The following PDE7B variants were observed in gnomAD, a reference collection of about 807,000 sequenced individuals.
PDE7B encodes the protein phosphodiesterase 7B.
A neutral mutation model predicts 56.2 loss-of-function variants in PDE7B; 29 were observed. The ratio of observed to expected loss-of-function variants is 0.52; its 90% CI spans 0.38 to 0.70. The LOEUF (loss-of-function observed/expected upper bound fraction) is 0.70. Ranked by LOEUF, PDE7B falls within the 30% of genes least tolerant of loss-of-function variation. The pLI, the probability that PDE7B is intolerant of heterozygous loss-of-function variation, is 0.00. For synonymous variants in PDE7B, 197 were observed against 196.9 expected (o/e 1.00, Z 0.00); for missense variants, 490 against 565.0 (o/e 0.87, Z 1.35).
intron 1 of PDE7B, among the ~76,000 whole-genome samples, chr6:135,891,355 T>A (rs938960878): frequency 6.6e-6 from 1 of 152,188 alleles, no homozygotes; most frequent in African/African-American, 2.4e-5. Flanking sequence ...AAATCATAGA[T>A]CATTAGGGCT....
At chr6:135,927,218 G>A (rs1043211165) in intron 1 of PDE7B, among the ~76,000 whole-genome samples, 11 of 151,934 alleles carry the variant, frequency 7.2e-5, no homozygotes, top group African/African-American at 2.4e-4. Context: ...TTATGTCTGG[G>A]TTCTCTATTC....
At position 136,161,537 on chromosome 6, in the gene PDE7B, C is replaced by A. The variant is rs527702643; in HGVS notation, c.711+5779C>A. Among the ~76,000 whole-genome samples the A allele has an allele frequency of 2.0e-4, 30 of 152,300 alleles. No individual in the cohort carries two copies. In the South Asian group the frequency reaches 6.0e-3, roughly 31 times the overall value. On this transcript the variant is annotated intron_variant, in intron 8 of 12. Transcript: ENST00000308191. ...CATTGCATCTTGGAATTGACAAATGCAAGCTGATACATGTTATTTCTTGAG... is the reference window on the plus strand; with the variant it reads ...CATTGCATCTTGGAATTGACAAATGAAAGCTGATACATGTTATTTCTTGAG...
chr6:135,971,263 G>A (rs2128202887), intron 2 of PDE7B, among the ~76,000 whole-genome samples: 1 of 152,214 alleles, frequency 6.6e-6, no homozygotes, highest in East Asian at 1.9e-4. Context: ...AAAGAGAAAG[G>A]CCTGAAACAG....
intron 2 of PDE7B, among the ~76,000 whole-genome samples, chr6:136,060,069 A>G (rs959539281): frequency 7.2e-5 from 11 of 152,356 alleles, no homozygotes; most frequent in African/African-American, 2.2e-4. Flanking sequence ...GTTAATCTTG[A>G]AAAATTGGAA....
At chr6:135,887,579 T>C (rs1344653312) in intron 1 of PDE7B, among the ~76,000 whole-genome samples, 1 of 152,180 alleles carries the variant, frequency 6.6e-6, no homozygotes, top group Non-Finnish European at 1.5e-5. Flanking sequence ...ATTTAAATGT[T>C]GTGTACTGTA....
Position 135,935,196 on chromosome 6 carries a change from A to ATATT in PDE7B, c.22-12265_22-12264insTTAT, listed in dbSNP as rs1562445467. Among the ~76,000 whole-genome samples, 56 of 79,356 alleles carry ATATT rather than the reference A, an allele frequency of 7.1e-4. 5 individuals carry two copies. Among genetic ancestry groups the ATATT allele is most frequent in the Middle Eastern group, 0.017 (2 of 120 alleles). 52.1% of individuals were successfully genotyped at this position (79,356 alleles called of 152,430 possible). On this transcript the variant is annotated intron_variant, in intron 1 of 12. Coordinates refer to ENST00000308191, the MANE Select transcript of PDE7B (RefSeq NM_018945.4). ...TTTATATATATATATTTATTTATAT[A>ATATT]TATATATATATATATATATATTTTC...
intron 2 of PDE7B, among the ~76,000 whole-genome samples, chr6:136,023,395 C>T (rs1776103348): frequency 6.6e-6 from 1 of 152,134 alleles, no homozygotes; most frequent in Admixed American, 6.5e-5. Flanking sequence ...GAAAAGAAGC[C>T]AGTACCTTGG....
At chr6:136,069,719 GTT>G (rs1361229307) in intron 2 of PDE7B, among the ~76,000 whole-genome samples, 1 of 151,988 alleles carries the variant, frequency 6.6e-6, no homozygotes, top group African/African-American at 2.4e-5. Flanking sequence ...TTCAATTTTT[GTT>G]TGTTTTAAAT....
At chr6:135,861,412 A>G (rs1233269512) in intron 1 of PDE7B, among the ~76,000 whole-genome samples, 1 of 151,576 alleles carries the variant, frequency 6.6e-6, no homozygotes, top group Non-Finnish European at 1.5e-5. Flanking sequence ...CCTGTTTACT[A>G]ATGGTCTGAG....
At position 136,191,881 on chromosome 6, in the gene PDE7B, C is replaced by T; in HGVS notation, c.*41C>T. ...AGACGCGGCTCTCCTCCGGCAGGGCCCCCAGAGGGCAGAAGCAGCGTGGAG... is the reference window on the plus strand; with the variant it reads ...AGACGCGGCTCTCCTCCGGCAGGGCTCCCAGAGGGCAGAAGCAGCGTGGAG... On this transcript the variant is annotated 3_prime_UTR_variant, in exon 13 of 13. Transcript: ENST00000308191. 1 of 1,466,394 alleles carries T rather than the reference C, an allele frequency of 6.8e-7. No homozygotes were observed. The highest frequency in any genetic ancestry group is 9.3e-7 in the Non-Finnish European group (1 of 1,075,818). The allele number at this position is 1,466,394 out of a possible 1,614,324, so 90.8% of individuals were successfully genotyped here. A position where few individuals can be genotyped will look rare whatever the true frequency, so the allele number is the denominator to read the frequency against.
intron 2 of PDE7B, among the ~76,000 whole-genome samples, chr6:136,107,144 A>G (rs1244762023): frequency 6.6e-6 from 1 of 152,200 alleles, no homozygotes; most frequent in Non-Finnish European, 1.5e-5. Flanking sequence ...CATTTTAAGC[A>G]TATCAGTTGC....
intron 2 of PDE7B, among the ~76,000 whole-genome samples, chr6:136,078,587 A>G (rs977146065): frequency 1.7e-5 from 1 of 57,640 alleles, no homozygotes; most frequent in African/African-American, 5.9e-5. Context: ...AAAATCCTGA[A>G]AAAAAAAAAG....
intron 2 of PDE7B, chr6:136,037,698 C>T (rs1776346926): frequency 1.0e-6 from 1 of 985,332 alleles, no homozygotes; most frequent in African/African-American, 1.7e-5. Flanking sequence ...AGATAACTGG[C>T]CTCCAGCAAG....
chr6:136,166,686 C>T (rs1271481333), intron 8 of PDE7B, among the ~76,000 whole-genome samples: 1 of 152,094 alleles, frequency 6.6e-6, no homozygotes, highest in Admixed American at 6.6e-5. Context: ...ACTCATAATC[C>T]AATCCCCTCC....
At chr6:136,027,362 A>T (rs1225824689) in intron 2 of PDE7B, among the ~76,000 whole-genome samples, 1 of 152,244 alleles carries the variant, frequency 6.6e-6, no homozygotes, top group Admixed American at 6.5e-5. Flanking sequence ...CTAGGAACAC[A>T]GTAACAACTC....
chr6:135,945,450 C>A (rs1290875252), intron 1 of PDE7B, among the ~76,000 whole-genome samples: 1 of 150,858 alleles, frequency 6.6e-6, no homozygotes, highest in Non-Finnish European at 1.5e-5. Context: ...AAGCAGCTTT[C>A]TTTCTTTTCA....
At chr6:135,916,512 C>A (rs1030975617) in intron 1 of PDE7B, among the ~76,000 whole-genome samples, 1 of 150,836 alleles carries the variant, frequency 6.6e-6, no homozygotes, top group Non-Finnish European at 1.5e-5. Flanking sequence ...CCTGCCTCAG[C>A]CTCCCGAGTA....
chr6:136,030,693 A>T lies in PDE7B; in HGVS notation c.83-78038A>T, dbSNP rs142891879. Among the ~76,000 whole-genome samples, 626 of 152,314 alleles carry T rather than the reference A, an allele frequency of 4.1e-3. 1 individual carries two copies. Among genetic ancestry groups the T allele is most frequent in the Non-Finnish European group, 7.4e-3 (506 of 68,028 alleles). ...ACTACTTTACATAAATCTTTAATAAACCAAATGAAAGAGCAGGTCTTGCTG... is the reference window on the plus strand; with the variant it reads ...ACTACTTTACATAAATCTTTAATAATCCAAATGAAAGAGCAGGTCTTGCTG... On this transcript the variant is annotated intron_variant, in intron 2 of 12. Coordinates refer to ENST00000308191, the MANE Select transcript of PDE7B (RefSeq NM_018945.4).
intron 2 of PDE7B, among the ~76,000 whole-genome samples, chr6:136,101,338 G>A (rs1777558548): frequency 6.6e-6 from 1 of 152,182 alleles, no homozygotes; most frequent in Admixed American, 6.5e-5. Flanking sequence ...CAGAATGAAT[G>A]TTGCCAGCTC....
Sources: gnomAD v4.1 joint callset for allele counts (sites outside exome capture counted in the v4.1 genomes callset) on GRCh38, gnomAD v4.1.1 for gene constraint, MANE v1.5 for transcripts, NCBI Gene and HGNC (gene_info 2026-07-23, HGNC 2026-07-21) for gene names.